Variants in SPMIP7 observed in about 807,000 individuals in gnomAD.
SPMIP7 encodes protein SPMIP7.
the SPMIP7 span, among the ~76,000 whole-genome samples, chr7:50,123,118 G>A: frequency 0.45 from 51,662 of 115,362 alleles, 12,155 homozygotes; most frequent in East Asian, 0.65. Flanking sequence ...ACATGCACAC[G>A]TATGTTTATT....
the SPMIP7 span, among the ~76,000 whole-genome samples, chr7:50,156,240 C>A: frequency 1.3e-5 from 2 of 152,134 alleles, no homozygotes; most frequent in African/African-American, 4.8e-5. Flanking sequence ...TTGTATCTAG[C>A]ACTATAATTT....
the SPMIP7 span, among the ~76,000 whole-genome samples, chr7:50,132,733 T>C: frequency 6.6e-6 from 1 of 152,320 alleles, no homozygotes; most frequent in East Asian, 1.9e-4. Context: ...AATTTTAAGA[T>C]AAGTAAGTTC....
chr7:50,150,470 T>C, the SPMIP7 span, among the ~76,000 whole-genome samples: 1 of 152,218 alleles, frequency 6.6e-6, no homozygotes, highest in Non-Finnish European at 1.5e-5. Flanking sequence ...ATGGCGTTGA[T>C]ACGACTCTGC....
the SPMIP7 span, among the ~76,000 whole-genome samples, chr7:50,120,923 A>G: frequency 6.6e-5 from 10 of 152,246 alleles, no homozygotes; most frequent in South Asian, 2.1e-3. Context: ...TGAATTTTGA[A>G]TTGTTTGTTC....
the SPMIP7 span, among the ~76,000 whole-genome samples, chr7:50,147,680 T>C: frequency 6.6e-5 from 10 of 152,216 alleles, no homozygotes; most frequent in Non-Finnish European, 1.5e-4. Context: ...TGTGCTCCCT[T>C]CTTCTGAGTT....
chr7:50,106,296 C>CTT, the SPMIP7 span, among the ~76,000 whole-genome samples: 2 of 152,166 alleles, frequency 1.3e-5, no homozygotes, highest in Non-Finnish European at 2.9e-5. Context: ...TTGATTTGAA[C>CTT]TTTTGGTGGT....
At chr7:50,155,810 C>T in the SPMIP7 span, among the ~76,000 whole-genome samples, 5 of 152,404 alleles carry the variant, frequency 3.3e-5, no homozygotes, top group African/African-American at 4.8e-5. Flanking sequence ...ACATACTACA[C>T]ACATGGCTGT....
chr7:50,151,585 G>A, the SPMIP7 span: 1 of 1,446,910 alleles, frequency 6.9e-7, no homozygotes, highest in Non-Finnish European at 9.5e-7. Context: ...TACTCAATTT[G>A]CTCAGATACA....
chr7:50,138,737 A>G, the SPMIP7 span, among the ~76,000 whole-genome samples: 1 of 151,320 alleles, frequency 6.6e-6, no homozygotes, highest in Non-Finnish European at 1.5e-5. Flanking sequence ...CTTCAATAAA[A>G]GCAGTATAAA....
the SPMIP7 span, among the ~76,000 whole-genome samples, chr7:50,125,642 T>G: frequency 6.6e-6 from 1 of 150,794 alleles, no homozygotes; most frequent in Non-Finnish European, 1.5e-5. Context: ...TAGAATATTA[T>G]TCAGCCATAA....
the SPMIP7 span, among the ~76,000 whole-genome samples, chr7:50,157,552 C>T: frequency 6.6e-6 from 1 of 152,042 alleles, no homozygotes; most frequent in Non-Finnish European, 1.5e-5. Flanking sequence ...TTATATAAAG[C>T]AAAATAAAAT....
the SPMIP7 span, chr7:50,096,123 G>T: frequency 6.5e-7 from 1 of 1,528,266 alleles, no homozygotes; most frequent in Admixed American, 2.1e-5. Context: ...GGAAAGATAA[G>T]TATCTCTAAA....
At chr7:50,140,282 T>C in the SPMIP7 span, 1 of 620,274 alleles carries the variant, frequency 1.6e-6, no homozygotes, top group South Asian at 2.6e-5. Context: ...TAAGACAACT[T>C]ATATATTGTA....
the SPMIP7 span, among the ~76,000 whole-genome samples, chr7:50,110,601 A>G: frequency 2.4e-4 from 34 of 140,942 alleles, no homozygotes; most frequent in South Asian, 7.3e-3. Context: ...GACATAGTAT[A>G]TACTAATATT....
the SPMIP7 span, chr7:50,134,379 T>TAC: frequency 4.4e-5 from 13 of 297,606 alleles, no homozygotes; most frequent in African/African-American, 3.4e-4. Context: ...GATAAGTAAA[T>TAC]ATATATACAC....
the SPMIP7 span, among the ~76,000 whole-genome samples, chr7:50,115,269 G>T: frequency 9.2e-5 from 14 of 152,028 alleles, no homozygotes; most frequent in Admixed American, 6.6e-5. Flanking sequence ...TACATAAAAT[G>T]TATTTAAAAT....
At chr7:50,106,357 A>G in the SPMIP7 span, among the ~76,000 whole-genome samples, 1 of 152,188 alleles carries the variant, frequency 6.6e-6, no homozygotes, top group African/African-American at 2.4e-5. Context: ...CAAGCCACCT[A>G]TGACTGTGGG....
the SPMIP7 span, among the ~76,000 whole-genome samples, chr7:50,135,091 T>C: frequency 1.3e-5 from 2 of 152,200 alleles, no homozygotes; most frequent in Admixed American, 6.5e-5. Context: ...TTCCAGGTTG[T>C]GTGCTTTGCA....
At chr7:50,130,105 C>A in the SPMIP7 span, among the ~76,000 whole-genome samples, 1 of 152,070 alleles carries the variant, frequency 6.6e-6, no homozygotes, top group Non-Finnish European at 1.5e-5. Context: ...ACTCAGTCAA[C>A]AAATATATTG....
Sources: gnomAD v4.1 joint callset for allele counts (sites outside exome capture counted in the v4.1 genomes callset) on GRCh38, gnomAD v4.1.1 for gene constraint, MANE v1.5 for transcripts, NCBI Gene and HGNC (gene_info 2026-07-23, HGNC 2026-07-21) for gene names.